The following DMD variants were observed in gnomAD, a reference collection of about 807,000 sequenced individuals.
DMD encodes the protein mutant dystrophin.
A neutral mutation model predicts 330.1 loss-of-function variants in DMD; 63 were observed. The observed-to-expected ratio is 0.19, with a 90% CI of 0.16 to 0.24. DMD has a LOEUF of 0.24. Among genes scored for constraint, DMD ranks in the 10% least tolerant of loss-of-function variants. The pLI, the probability that DMD is intolerant of heterozygous loss-of-function variation, is 1.00. For synonymous variants in DMD, 1,223 were observed against 959.8 expected, an observed-to-expected ratio of 1.27 and a Z score of -5.07; for missense variants, 3,344 against 2,684.1, an observed-to-expected ratio of 1.25 and a Z score of -5.43.
At chrX:31,285,566 G>T (rs1186944408) in intron 62 of DMD, among the ~76,000 whole-genome samples, 1 of 112,004 alleles carries the variant, frequency 8.9e-6, no homozygotes, top group African/African-American at 3.2e-5. Context: ...GTCTTAAAAT[G>T]AGGATTTTAG....
chrX:32,050,517 A>G (rs1188917519), intron 44 of DMD, among the ~76,000 whole-genome samples: 1 of 111,876 alleles, frequency 8.9e-6, no homozygotes, highest in East Asian at 2.8e-4. Context: ...AAAGAATTGA[A>G]TTGATTTCTA....
chrX:31,359,819 C>T (rs2058843997), intron 60 of DMD, among the ~76,000 whole-genome samples: 1 of 111,830 alleles, frequency 8.9e-6, no homozygotes, highest in South Asian at 3.7e-4. Context: ...AATGGAGGCA[C>T]AGAGAATGAG....
chrX:31,483,425 G>T (rs762317664), intron 57 of DMD, among the ~76,000 whole-genome samples: 3 of 112,156 alleles, frequency 2.7e-5, no homozygotes, highest in Admixed American at 9.5e-5. Flanking sequence ...ACTATTTGAT[G>T]ATATAATTCC....
At chrX:32,671,217 G>T (rs1452973904) in intron 9 of DMD, among the ~76,000 whole-genome samples, 2 of 109,976 alleles carry the variant, frequency 1.8e-5, no homozygotes, top group Admixed American at 2.0e-4. Flanking sequence ...CTTATATAAT[G>T]TTCTGAATAA....
intron 50 of DMD, among the ~76,000 whole-genome samples, chrX:31,776,747 C>G (rs1378376312): frequency 1.8e-5 from 2 of 111,607 alleles, no homozygotes; most frequent in East Asian, 5.7e-4. Flanking sequence ...TATTGAAAAG[C>G]AAGGCCAGGG....
chrX:33,329,356 A>AT (rs1299454430), intron 1 of DMD, among the ~76,000 whole-genome samples: 1 of 111,985 alleles, frequency 8.9e-6, no homozygotes, highest in African/African-American at 3.2e-5. Flanking sequence ...ACTACGTGGC[A>AT]TTTTCAACTA....
intron 1 of DMD, among the ~76,000 whole-genome samples, chrX:33,204,240 T>C (rs1400675788): frequency 8.9e-6 from 1 of 111,951 alleles, no homozygotes; most frequent in Non-Finnish European, 1.9e-5. Context: ...AAATAATTTC[T>C]ATAACCTTCA....
chrX:32,094,195 C>T (rs915077195), intron 44 of DMD, among the ~76,000 whole-genome samples: 5 of 111,878 alleles, frequency 4.5e-5, no homozygotes, highest in Non-Finnish European at 9.4e-5. Flanking sequence ...CATATTTGGC[C>T]TTTACCAAAG....
At chrX:31,876,883 G>A (rs774312949) in intron 47 of DMD, among the ~76,000 whole-genome samples, 100 of 110,592 alleles carry the variant, frequency 9.0e-4, no homozygotes, top group Non-Finnish European at 1.6e-3. Context: ...ATATTACACT[G>A]CAATATGAAT....
At chrX:32,349,629 G>C (rs2097775222) in intron 37 of DMD, among the ~76,000 whole-genome samples, 1 of 111,229 alleles carries the variant, frequency 9.0e-6, no homozygotes, top group Non-Finnish European at 1.9e-5. Context: ...AAGTGTAGAA[G>C]AAAAACTAAA....
intron 1 of DMD, among the ~76,000 whole-genome samples, chrX:33,139,840 T>G (rs972896544): frequency 1.0e-5 from 1 of 95,292 alleles, no homozygotes; most frequent in Admixed American, 1.2e-4. Context: ...TATGGCAGTG[T>G]GAGAATTGAC....
At chrX:32,989,925 G>T (rs978222363) in intron 2 of DMD, among the ~76,000 whole-genome samples, 1 of 111,553 alleles carries the variant, frequency 9.0e-6, no homozygotes, top group African/African-American at 3.3e-5. Context: ...ATTAATAGTT[G>T]TCTAATTTCT....
intron 62 of DMD, among the ~76,000 whole-genome samples, chrX:31,319,170 G>A (rs938516458): frequency 1.2e-4 from 13 of 111,482 alleles, no homozygotes; most frequent in African/African-American, 3.9e-4. Context: ...CCCTAGTCAC[G>A]ACATCCCAAA....
chrX:32,479,103 T>C (rs925860369), intron 21 of DMD, among the ~76,000 whole-genome samples: 1 of 111,446 alleles, frequency 9.0e-6, no homozygotes, highest in Non-Finnish European at 1.9e-5. Flanking sequence ...AAAGCAGCTC[T>C]ATCCACTTAG....
chrX:32,124,869 G>T (rs764576607), intron 44 of DMD, among the ~76,000 whole-genome samples: 1 of 109,380 alleles, frequency 9.1e-6, no homozygotes, highest in African/African-American at 3.3e-5. Context: ...AAACGTGAGT[G>T]TGTGGAGTGG....
rs193214192 is a variant in DMD, at chrX:32,263,099, A to G, written c.6290+24430T>C. ...CAACCTAATATGTTGAGAAGTTAAA[A>G]TGTAGAAAACAGAAATACATATCTG... On this transcript the variant is annotated intron_variant, in intron 43 of 78. Coordinates refer to ENST00000357033, the MANE Select transcript of DMD (RefSeq NM_004006.3). Among the ~76,000 whole-genome samples the G allele has an allele frequency of 1.5e-4, 17 of 112,496 alleles. No homozygotes were observed. In the East Asian group the frequency reaches 4.4e-3, roughly 29 times the overall value.
intron 9 of DMD, among the ~76,000 whole-genome samples, chrX:32,648,805 A>G (rs2059941118): frequency 8.9e-6 from 1 of 112,016 alleles, no homozygotes; most frequent in African/African-American, 3.3e-5. Flanking sequence ...ACCCCAAAAT[A>G]TGTTTTTATC....
chrX:32,749,227 T>C (rs1419573085), intron 7 of DMD, among the ~76,000 whole-genome samples: 2 of 112,295 alleles, frequency 1.8e-5, no homozygotes, highest in Non-Finnish European at 3.8e-5. Context: ...AGAAAACTAA[T>C]GTCCAACATC....
In DMD at chrX:31,177,928, T is replaced by C; in HGVS notation, c.10262+4A>G. The C allele has an allele frequency of 3.3e-6, 4 of 1,204,874 alleles. No homozygotes were observed. Among genetic ancestry groups the C allele is most frequent in the Non-Finnish European group, 4.5e-6 (4 of 890,440 alleles). On this transcript the variant is annotated splice_donor_region_variant and intron_variant, in intron 71 of 78. Coordinates refer to ENST00000357033, the MANE Select transcript of DMD (RefSeq NM_004006.3). ...CAGCACCCTTCAGCAAAAAAAGTAC[T>C]CACGCAGAATCTACTGGCCAGAAGT...
Sources: gnomAD v4.1 joint callset for allele counts (sites outside exome capture counted in the v4.1 genomes callset) on GRCh38, gnomAD v4.1.1 for gene constraint, MANE v1.5 for transcripts, NCBI Gene and HGNC (gene_info 2026-07-23, HGNC 2026-07-21) for gene names.